The following RGN variants were observed in gnomAD, a reference collection of about 807,000 sequenced individuals.
RGN encodes regucalcin.
RGN carries 19 observed loss-of-function variants against 20.6 expected under a neutral mutation model. That is an observed-to-expected ratio of 0.92 (90% CI 0.64 to 1.35). RGN has a LOEUF of 1.35. RGN is among the 40% of genes most tolerant of loss of function. The pLI is 0.00. For synonymous variants in RGN, 85 were observed against 87.2 expected (o/e 0.97, Z 0.14); for missense variants, 302 against 232.7 (o/e 1.30, Z -1.94).
At chrX:47,092,682 T>C (rs1556388377) in intron 7 of RGN, among the ~76,000 whole-genome samples, 2 of 112,162 alleles carry the variant, frequency 1.8e-5, no homozygotes, top group African/African-American at 6.5e-5. Flanking sequence ...CAGTTTTAAA[T>C]CTAAGTTAGT....
intron 4 of RGN, among the ~76,000 whole-genome samples, chrX:47,088,097 ACTC>A (rs1450152668): frequency 4.8e-5 from 5 of 104,522 alleles, no homozygotes; most frequent in Non-Finnish European, 7.8e-5. Context: ...AGCACCTGAG[ACTC>A]TTTCTCAAGA....
In RGN at chrX:47,091,842, A is replaced by G. The variant is rs111902972; in HGVS notation, c.694+33A>G. The G allele has an allele frequency of 2.6e-5, 31 of 1,190,585 alleles. No homozygotes were observed. In the African/African-American group the frequency reaches 4.8e-4, roughly 18 times the overall value. On this transcript the variant is annotated intron_variant, in intron 6 of 7. Transcript: ENST00000397180. ...TGCAGCAAAATGAAAAATCCTTGTCATGGCTAGGCAGAGATATAGCCCGAA... is the reference window on the plus strand; with the variant it reads ...TGCAGCAAAATGAAAAATCCTTGTCGTGGCTAGGCAGAGATATAGCCCGAA...
At chrX:47,090,096 A>C (rs1556386952) in intron 5 of RGN, 105 bp downstream of exon 5, 1 of 504,790 alleles carries the variant, frequency 2.0e-6, no homozygotes, top group African/African-American at 2.4e-5. Flanking sequence ...GTCTTCACTT[A>C]AATGGAGAGC....
intron 5 of RGN, 33 bp downstream of exon 5, chrX:47,090,024 C>T (rs782571528): frequency 9.6e-7 from 1 of 1,045,323 alleles, no homozygotes; most frequent in Non-Finnish European, 1.3e-6. Context: ...CTCAGTGCTG[C>T]CACTATTGTT....
chrX:47,081,126 A>C lies in RGN; in HGVS notation c.-15-4A>C. 8.4e-7 allele frequency: 1 copy of C among 1,195,327 alleles called. No individual in the cohort carries two copies. Among genetic ancestry groups the C allele is most frequent in the African/African-American group, 1.7e-5 (1 of 57,323 alleles). On this transcript the variant is annotated splice_region_variant and splice_polypyrimidine_tract_variant and intron_variant, in intron 2 of 7. Coordinates refer to ENST00000397180, the MANE Select transcript of RGN (RefSeq NM_152869.4). ...CTTTCACTCACCTCTGTTACCTTCAATAGATCTCCCCTGCGACCATGTCTT... is the reference window on the plus strand; with the variant it reads ...CTTTCACTCACCTCTGTTACCTTCACTAGATCTCCCCTGCGACCATGTCTT...
chrX:47,089,564 C>T (rs1483209833), intron 4 of RGN, among the ~76,000 whole-genome samples: 4 of 75,428 alleles, frequency 5.3e-5, no homozygotes, highest in African/African-American at 1.1e-4. Flanking sequence ...CTTATATATA[C>T]ATATTATATA....
Position 47,092,897 on chromosome X carries a change from ATAACTGGTCTGGGGG to A in RGN, c.852_866del (p.Thr285_Val289del), listed in dbSNP as rs1228185363. 5.8e-6 allele frequency: 7 copies of A among 1,202,271 alleles called. No individual in the cohort carries two copies. The East Asian group carries it at 1.8e-4, about 31-fold the overall frequency. ...GATTCCCTCTTTTCTTTTTCAACAG[ATAACTGGTCTGGGGG>A]TCAAAGGAATTGCTCCCTACTCCTA... On this transcript the variant is annotated inframe_deletion and splice_region_variant, in exon 8 of 8. Transcript: ENST00000397180.
chrX:47,087,571 C>T (rs1356134358), intron 4 of RGN: 5 of 109,836 alleles, frequency 4.6e-5, no homozygotes, highest in African/African-American at 6.6e-5. Flanking sequence ...ATGGCCTCTG[C>T]ACAAGGATGA....
At chrX:47,081,108 T>C in intron 2 of RGN, 22 bp from the exon 3 acceptor site, 2 of 1,151,692 alleles carry the variant, frequency 1.7e-6, no homozygotes, top group Admixed American at 4.4e-5. Context: ...GACCTTTCAC[T>C]CACCTCTGTT....
intron 5 of RGN, 38 bp downstream of exon 5, chrX:47,090,029 A>G (rs1556386902): frequency 9.8e-7 from 1 of 1,021,195 alleles, no homozygotes; most frequent in Admixed American, 2.5e-5. Context: ...TGCTGCCACT[A>G]TTGTTTTCAT....
At position 47,092,123 on chromosome X, in the gene RGN, A is replaced by T; in HGVS notation, c.757A>T (p.Lys253Ter). Residue 253 changes from lysine (K) to a stop codon, truncating the protein, a stop_gained, in exon 7 of 8, where the codon AAG (lysine) becomes TAG (stop). Coordinates refer to ENST00000397180, the MANE Select transcript of RGN (RefSeq NM_152869.4). LOFTEE classifies it high-confidence loss of function. ...DKTTSCCFGG[K>*]NYSEMYVTCA... is the part of the protein sequence containing the mutation. The stretch of plus-strand genomic sequence containing the variant: ...AACAACTTCATGCTGCTTTGGAGGG[A>T]AGAATTACTCTGAAATGTATGTGAC... The T allele has an allele frequency of 8.3e-7, 1 of 1,207,459 alleles. No individual in the cohort carries two copies. Among genetic ancestry groups the T allele is most frequent in the Non-Finnish European group, 1.1e-6 (1 of 892,413 alleles).
At chrX:47,088,528 T>C (rs1203633775) in intron 4 of RGN, among the ~76,000 whole-genome samples, 2 of 111,127 alleles carry the variant, frequency 1.8e-5, no homozygotes, top group African/African-American at 6.5e-5. Flanking sequence ...TTTCGGCATC[T>C]GTTGATTCTC....
chrX:47,082,596 G>A (rs1451101024), intron 3 of RGN, among the ~76,000 whole-genome samples: 4 of 110,535 alleles, frequency 3.6e-5, no homozygotes, highest in Non-Finnish European at 5.7e-5. Flanking sequence ...TACAGGTGTG[G>A]GCCACCACGC....
At chrX:47,089,481 T>TACTTATATATACATATTATATAA (rs1556386027) in intron 4 of RGN, among the ~76,000 whole-genome samples, 2 of 8,678 alleles carry the variant, frequency 2.3e-4, no homozygotes, top group African/African-American at 4.9e-4. Context: ...ATATTATATA[T>TACTTATATATACATATTATATAA]ACTTATATAT....
At position 47,081,650 on chromosome X, in the gene RGN, G is replaced by A. The variant is rs372082655; in HGVS notation, c.163+343G>A. On this transcript the variant is annotated intron_variant, in intron 3 of 7. Transcript: ENST00000397180. ...GCAGCCTTGATCTCCTGGGGCTCAAGGGATCCTCCTGCCTCAGCCTCCCTA... is the reference window on the plus strand; with the variant it reads ...GCAGCCTTGATCTCCTGGGGCTCAAAGGATCCTCCTGCCTCAGCCTCCCTA... Among the ~76,000 whole-genome samples, 14 of 110,458 alleles carry A rather than the reference G, an allele frequency of 1.3e-4. No individual in the cohort carries two copies. In the South Asian group the frequency reaches 5.1e-3, roughly 40 times the overall value.
chrX:47,089,648 C>G (rs1168747890), intron 4 of RGN, 128 bp from the exon 5 acceptor site: 1 of 324,784 alleles, frequency 3.1e-6, no homozygotes, highest in African/African-American at 3.5e-5. Context: ...TATATATGGC[C>G]CAGATTGGAA....
At chrX:47,086,263 T>A (rs1157729665) in intron 4 of RGN, among the ~76,000 whole-genome samples, 1 of 111,472 alleles carries the variant, frequency 9.0e-6, no homozygotes, top group Non-Finnish European at 1.9e-5. Flanking sequence ...TAGATAATGT[T>A]CTGTTCTCAG....
At chrX:47,086,528 T>A (rs1355792816) in intron 4 of RGN, among the ~76,000 whole-genome samples, 1 of 110,529 alleles carries the variant, frequency 9.0e-6, no homozygotes, top group Non-Finnish European at 1.9e-5. Context: ...GCTGGATGGA[T>A]CCAGTTCAGG....
chrX:47,088,637 G>C (rs1479564722), intron 4 of RGN, among the ~76,000 whole-genome samples: 4 of 110,143 alleles, frequency 3.6e-5, no homozygotes, highest in African/African-American at 1.3e-4. Context: ...CCTGAGTCTT[G>C]TTGAAATCCT....
Sources: gnomAD v4.1 joint callset for allele counts (sites outside exome capture counted in the v4.1 genomes callset) on GRCh38, gnomAD v4.1.1 for gene constraint, MANE v1.5 for transcripts, NCBI Gene and HGNC (gene_info 2026-07-23, HGNC 2026-07-21) for gene names.